The following DLGAP2 variants were observed in gnomAD, a reference collection of about 807,000 sequenced individuals.
The protein encoded by DLGAP2 is DLG associated protein 2.
In DLGAP2, 26 loss-of-function variants were observed where a neutral mutation model predicts 100.3. That is an observed-to-expected ratio of 0.26 (90% CI 0.19 to 0.36). DLGAP2 has a LOEUF of 0.36. Among genes scored for constraint, DLGAP2 ranks in the 10% least tolerant of loss-of-function variants. The pLI is 1.00. For missense variants in DLGAP2, 1,858 were observed against 1,453.2 expected, an observed-to-expected ratio of 1.28 and a Z score of -4.53; for synonymous variants, 886 against 630.1, an observed-to-expected ratio of 1.41 and a Z score of -6.08.
At chr8:1,638,405 G>T (rs1218074963) in intron 8 of DLGAP2, among the ~76,000 whole-genome samples, 1 of 152,084 alleles carries the variant, frequency 6.6e-6, no homozygotes, top group Non-Finnish European at 1.5e-5. Flanking sequence ...CCCAGGAGAG[G>T]CCTCAGTTTT....
chr8:1,498,379 T>TAAA (rs55865222), intron 3 of DLGAP2, among the ~76,000 whole-genome samples: 1 of 148,962 alleles, frequency 6.7e-6, no homozygotes, highest in African/African-American at 2.5e-5. Context: ...GCAAAATAAA[T>TAAA]AAAAAAAAAA....
In DLGAP2 at chr8:1,178,274, G is replaced by C. The variant is rs921250409; in HGVS notation, c.74-80577G>C. On this transcript the variant is annotated intron_variant, in intron 2 of 14. Transcript: ENST00000637795. The stretch of plus-strand genomic sequence containing the variant: ...TGATAGCATTTGGTGGGTGAGGTTA[G>C]AGGGCTGTGAATTGTTCTTTTCTCA... Among the ~76,000 whole-genome samples the C allele has an allele frequency of 3.3e-5, 5 of 152,234 alleles. 1 individual carries two copies. The highest frequency in any genetic ancestry group is 4.1e-4 in the South Asian group (2 of 4,828).
At chr8:830,359 T>C (rs1443717837) in intron 1 of DLGAP2, among the ~76,000 whole-genome samples, 1 of 152,210 alleles carries the variant, frequency 6.6e-6, no homozygotes, top group Non-Finnish European at 1.5e-5. Context: ...TATTAAACTA[T>C]AGTCACTCCT....
chr8:824,391 T>G (rs1796646961), intron 1 of DLGAP2, among the ~76,000 whole-genome samples: 1 of 152,166 alleles, frequency 6.6e-6, no homozygotes, highest in Non-Finnish European at 1.5e-5. Context: ...TCCTTCTTCT[T>G]TCTCTGGTTC....
In DLGAP2 at chr8:1,519,981, G is replaced by C. The variant is rs532034997; in HGVS notation, c.172+18550G>C. On this transcript the variant is annotated intron_variant, in intron 4 of 14. Coordinates refer to ENST00000637795, the MANE Select transcript of DLGAP2 (RefSeq NM_001346810.2). ...GGTTTCCAGTCTGCAGGAGGAGGAGGAGCTCCCAGCTGCTTCGCAGGAGCA... is the reference window on the plus strand; with the variant it reads ...GGTTTCCAGTCTGCAGGAGGAGGAGCAGCTCCCAGCTGCTTCGCAGGAGCA... Among the ~76,000 whole-genome samples the C allele has an allele frequency of 2.6e-5, 4 of 152,316 alleles. No individual in the cohort carries two copies. In the East Asian group the frequency reaches 7.7e-4, roughly 29 times the overall value.
rs895232164 is a variant in DLGAP2 at position 1,632,446 on chromosome 8, G to A, written c.1591-381G>A. On this transcript the variant is annotated intron_variant, in intron 7 of 14. Transcript: ENST00000637795. ...ATCGTGCCATTAGTAGCTTGGAAAGGGGGGGCCGTCATGTGGGAAAGGGAA... is the reference window on the plus strand; with the variant it reads ...ATCGTGCCATTAGTAGCTTGGAAAGAGGGGGCCGTCATGTGGGAAAGGGAA... Among the ~76,000 whole-genome samples the A allele has an allele frequency of 7.9e-5, 12 of 152,296 alleles. 1 individual carries two copies. The highest frequency in any genetic ancestry group is 2.1e-4 in the South Asian group (1 of 4,832).
chr8:1,563,179 G>A (rs1584930835), intron 5 of DLGAP2, among the ~76,000 whole-genome samples: 1 of 61,414 alleles, frequency 1.6e-5, no homozygotes, highest in Non-Finnish European at 3.3e-5. Context: ...CTGGGGGGCT[G>A]TGTGGTGTTG....
At chr8:1,685,625 A>G (rs1708696091) in intron 12 of DLGAP2, among the ~76,000 whole-genome samples, 1 of 152,196 alleles carries the variant, frequency 6.6e-6, no homozygotes, top group Non-Finnish European at 1.5e-5. Flanking sequence ...AGCACAGGAA[A>G]AGGAAACAGC....
At chr8:812,948 G>C (rs750571000) in intron 1 of DLGAP2, among the ~76,000 whole-genome samples, 2 of 152,174 alleles carry the variant, frequency 1.3e-5, no homozygotes, top group Non-Finnish European at 2.9e-5. Context: ...TAAAACCTTT[G>C]GTAGAGAATC....
intron 1 of DLGAP2, 64 bp downstream of exon 1, chr8:737,889 G>C (rs1820359736): frequency 2.7e-6 from 1 of 370,008 alleles, no homozygotes; most frequent in South Asian, 1.3e-4. Flanking sequence ...GAGGCGGGGA[G>C]GGCGCGGTGT....
rs77286866 is a variant in DLGAP2 at position 1,216,917 on chromosome 8, T to C, written c.74-41934T>C. Among the ~76,000 whole-genome samples, 123 of 152,324 alleles carry C rather than the reference T, an allele frequency of 8.1e-4. 1 individual carries two copies. In the East Asian group the frequency reaches 0.023, roughly 28 times the overall value. On this transcript the variant is annotated intron_variant, in intron 2 of 14. Coordinates refer to ENST00000637795, the MANE Select transcript of DLGAP2 (RefSeq NM_001346810.2). ...ATCCCCACACAGGTACTGTTTCTCA[T>C]TTACAGTGAGACCTGGCAAGGATGA...
intron 3 of DLGAP2, among the ~76,000 whole-genome samples, chr8:1,423,248 T>C (rs1343065604): frequency 7.2e-5 from 10 of 138,480 alleles, no homozygotes; most frequent in Admixed American, 7.1e-4. Context: ...AGCTCAGAAC[T>C]CTACTTAGTC....
chr8:1,265,689 T>A (rs1044727146), intron 3 of DLGAP2, among the ~76,000 whole-genome samples: 2 of 152,172 alleles, frequency 1.3e-5, no homozygotes, highest in African/African-American at 4.8e-5. Context: ...AAAGAATCAA[T>A]AAAGCCAGAG....
In DLGAP2 at chr8:1,549,028, T is replaced by C. The variant is rs762167475; in HGVS notation, c.575T>C (p.Leu192Pro). ...GAKINRIPAN[L>P]LDQFEKQLPL... Reference sequence around the variant, plus strand: ...AAGATCAACCGCATCCCGGCCAACCTGCTGGACCAGTTCGAGAAGCAGCTG... The same window carrying C: ...AAGATCAACCGCATCCCGGCCAACCCGCTGGACCAGTTCGAGAAGCAGCTG... Residue 192 changes from leucine to proline, a missense_variant, in exon 5 of 15, where the codon CTG (leucine) becomes CCG (proline). By Grantham distance (98) the Leu-to-Pro change is moderately conservative (BLOSUM62 -3). Coordinates refer to ENST00000637795, the MANE Select transcript of DLGAP2 (RefSeq NM_001346810.2). 6.9e-6 allele frequency: 11 copies of C among 1,596,384 alleles called. No individual in the cohort carries two copies. The highest frequency in any genetic ancestry group is 7.6e-6 in the Non-Finnish European group (9 of 1,176,694).
chr8:900,561 T>C (rs2128997301), intron 1 of DLGAP2, among the ~76,000 whole-genome samples: 1 of 152,322 alleles, frequency 6.6e-6, no homozygotes, highest in African/African-American at 2.4e-5. Flanking sequence ...TTAAACCACA[T>C]GGTACCTTGT....
chr8:1,139,788 C>T (rs1444323616), intron 2 of DLGAP2, among the ~76,000 whole-genome samples: 12 of 152,022 alleles, frequency 7.9e-5, no homozygotes, highest in Admixed American at 7.9e-4. Context: ...CTGACAGGTC[C>T]CAGGGGCTCT....
intron 2 of DLGAP2, among the ~76,000 whole-genome samples, chr8:1,171,131 C>T (rs183913892): frequency 8.5e-5 from 13 of 152,274 alleles, no homozygotes; most frequent in South Asian, 2.1e-4. Flanking sequence ...GCCTTCATTT[C>T]GTTATGTACC....
intron 2 of DLGAP2, among the ~76,000 whole-genome samples, chr8:1,064,215 CA>C (rs1390706143): frequency 6.6e-6 from 1 of 152,114 alleles, no homozygotes; most frequent in Non-Finnish European, 1.5e-5. Flanking sequence ...TAAGTACCTG[CA>C]AGTAATGAAT....
At chr8:1,692,379 A>T in intron 13 of DLGAP2, among the ~76,000 whole-genome samples, 1 of 50,302 alleles carries the variant, frequency 2.0e-5, no homozygotes, top group African/African-American at 9.0e-5. Flanking sequence ...GGAGGCGGAT[A>T]CGGCCCTGGT....
Sources: allele counts gnomAD v4.1 joint callset (sites outside exome capture counted in the v4.1 genomes callset), GRCh38; gene constraint gnomAD v4.1.1; transcripts MANE v1.5; gene names NCBI Gene and HGNC (gene_info 2026-07-23, HGNC 2026-07-21).